Variants in RNF38 observed in about 807,000 individuals in gnomAD.
RNF38 encodes the protein E3 ubiquitin-protein ligase RNF38.
In RNF38, 15 loss-of-function variants were observed where a neutral mutation model predicts 67.2. That is an observed-to-expected ratio of 0.22 (90% CI 0.15 to 0.34). RNF38 has a LOEUF of 0.34. Among genes scored for constraint, RNF38 ranks in the 10% least tolerant of loss-of-function variants. RNF38 has a pLI of 1.00. For missense variants in RNF38, 524 were observed against 639.9 expected, an observed-to-expected ratio of 0.82 and a Z score of 1.95; for synonymous variants, 220 against 218.8, an observed-to-expected ratio of 1.01 and a Z score of -0.05.
intron 1 of RNF38, among the ~76,000 whole-genome samples, chr9:36,466,558 T>C (rs952789005): frequency 1.3e-5 from 2 of 152,174 alleles, no homozygotes; most frequent in Non-Finnish European, 2.9e-5. Context: ...TTACAAGATA[T>C]GAATGTTTCT....
intron 1 of RNF38, among the ~76,000 whole-genome samples, chr9:36,457,190 T>G (rs1839614256): frequency 6.6e-6 from 1 of 152,250 alleles, no homozygotes; most frequent in Non-Finnish European, 1.5e-5. Context: ...ACTAGCTTTA[T>G]CACAGGTACC....
At chr9:36,379,283 C>T (rs962195825) in intron 2 of RNF38, among the ~76,000 whole-genome samples, 2 of 152,164 alleles carry the variant, frequency 1.3e-5, no homozygotes, top group African/African-American at 2.4e-5. Context: ...TTGCTACATG[C>T]AATATGATTT....
chr9:36,487,152 C>T (rs1453073751), intron 1 of RNF38, among the ~76,000 whole-genome samples: 1 of 152,144 alleles, frequency 6.6e-6, no homozygotes, highest in Non-Finnish European at 1.5e-5. Context: ...GCGGCTGAGG[C>T]GCAGGGCTCG....
chr9:36,398,806 A>G (rs1837750006), intron 1 of RNF38, among the ~76,000 whole-genome samples: 1 of 152,190 alleles, frequency 6.6e-6, no homozygotes, highest in Admixed American at 6.5e-5. Context: ...CCTAAACCAA[A>G]CTAGAGGTAG....
chr9:36,391,738 A>C (rs922805320), intron 1 of RNF38, among the ~76,000 whole-genome samples: 4 of 150,930 alleles, frequency 2.7e-5, no homozygotes, highest in African/African-American at 9.8e-5. Flanking sequence ...CTCAGCCTGC[A>C]GAGTAGCTGG....
intron 1 of RNF38, among the ~76,000 whole-genome samples, chr9:36,443,969 C>T (rs950887372): frequency 2.0e-5 from 3 of 152,116 alleles, no homozygotes; most frequent in African/African-American, 7.2e-5. Context: ...AGCATGTTCC[C>T]CTCCCAGAAG....
intron 2 of RNF38, among the ~76,000 whole-genome samples, chr9:36,379,488 C>T (rs1343448016): frequency 6.6e-6 from 1 of 152,062 alleles, no homozygotes; most frequent in Non-Finnish European, 1.5e-5. Flanking sequence ...TCCAATCACA[C>T]TATTAATCTA....
chr9:36,449,680 C>T (rs776350910), intron 1 of RNF38, among the ~76,000 whole-genome samples: 8 of 152,106 alleles, frequency 5.3e-5, no homozygotes, highest in Non-Finnish European at 1.0e-4. Context: ...TGTGATCCGC[C>T]CACCTCGGCC....
chr9:36,450,061 ATT>A (rs1170095274), intron 1 of RNF38, among the ~76,000 whole-genome samples: 2 of 152,070 alleles, frequency 1.3e-5, no homozygotes, highest in Non-Finnish European at 2.9e-5. Context: ...TTTCTTTTGT[ATT>A]TTTTATTGTG....
chr9:36,397,840 AAAG>A (rs1202862894), intron 1 of RNF38, among the ~76,000 whole-genome samples: 2 of 152,206 alleles, frequency 1.3e-5, no homozygotes, highest in African/African-American at 4.8e-5. Flanking sequence ...TTCTCCCCTC[AAAG>A]AAGTATGTCT....
At chr9:36,480,837 G>A (rs1269609725) in intron 1 of RNF38, among the ~76,000 whole-genome samples, 8 of 150,458 alleles carry the variant, frequency 5.3e-5, no homozygotes, top group South Asian at 4.2e-4. Flanking sequence ...GGGGTGAGCC[G>A]CCACGCCCGG....
rs1839584251 is a variant in RNF38, at chr9:36,455,930, G to C, written n.242-31247C>G. The stretch of plus-strand genomic sequence containing the variant: ...CACCTCAAAAAAAAAAAAAAAAAGT[G>C]CACTAATTTAACTTAATTCATTTTT... On this transcript the variant is annotated intron_variant and non_coding_transcript_variant, in intron 1 of 3. Coordinates refer to the RNF38 transcript ENST00000488058. Among the ~76,000 whole-genome samples the C allele has an allele frequency of 3.3e-5, 5 of 150,142 alleles. No individual in the cohort carries two copies. The Admixed American group carries it at 3.3e-4, about 10-fold the overall frequency.
intron 3 of RNF38, among the ~76,000 whole-genome samples, chr9:36,373,865 AT>A (rs1835581301): frequency 6.6e-6 from 1 of 150,564 alleles, no homozygotes; most frequent in African/African-American, 2.5e-5. Context: ...CTAATTTTGT[AT>A]TTTTGGTAGA....
In RNF38 at chr9:36,337,395, T is replaced by C. The variant is rs919758051; in HGVS notation, c.*2357A>G. On this transcript the variant is annotated 3_prime_UTR_variant, in exon 12 of 12. Transcript: ENST00000259605. ...ACCCTGCTGCCTCCTAAATTGCCAA[T>C]TGCCTCTCAAAAACTTACAGAAAAA... 1 of 152,840 alleles carries C rather than the reference T, an allele frequency of 6.5e-6. No homozygotes were observed. Among genetic ancestry groups the C allele is most frequent in the African/African-American group, 2.4e-5 (1 of 41,428 alleles). The allele number at this position is 152,840 out of a possible 1,614,324, so 9.5% of individuals were successfully genotyped here.
intron 2 of RNF38, among the ~76,000 whole-genome samples, chr9:36,378,748 A>G (rs1156362160): frequency 6.6e-6 from 1 of 152,204 alleles, no homozygotes; most frequent in Non-Finnish European, 1.5e-5. Context: ...TTACTTTACA[A>G]GACATGCAAA....
In RNF38 at chr9:36,449,580, C is replaced by T. The variant is rs1218490546; in HGVS notation, n.242-24897G>A. Among the ~76,000 whole-genome samples, 4 of 152,256 alleles carry T rather than the reference C, an allele frequency of 2.6e-5. No homozygotes were observed. The South Asian group carries it at 6.2e-4, about 24-fold the overall frequency. Reference sequence around the variant, plus strand: ...CCTCCCAAGTAGATAGGACTACAGGCGCGTGCCAACACGCCCGGCTAATTT... The same window carrying T: ...CCTCCCAAGTAGATAGGACTACAGGTGCGTGCCAACACGCCCGGCTAATTT... On this transcript the variant is annotated intron_variant and non_coding_transcript_variant, in intron 1 of 3. Coordinates refer to the RNF38 transcript ENST00000488058.
intron 4 of RNF38, among the ~76,000 whole-genome samples, chr9:36,368,466 C>T (rs1349601412): frequency 1.3e-5 from 2 of 152,162 alleles, no homozygotes; most frequent in African/African-American, 4.8e-5. Flanking sequence ...GTCCTATATA[C>T]ATACACTCAT....
chr9:36,428,562 G>A (rs1032568101), intron 1 of RNF38, among the ~76,000 whole-genome samples: 4 of 151,742 alleles, frequency 2.6e-5, no homozygotes, highest in Non-Finnish European at 4.4e-5. Context: ...TATGATCTCC[G>A]TAACATACAT....
intron 1 of RNF38, among the ~76,000 whole-genome samples, chr9:36,394,559 A>G (rs1837384113): frequency 6.6e-6 from 1 of 152,242 alleles, no homozygotes; most frequent in Admixed American, 6.5e-5. Flanking sequence ...TAAGCAGTAT[A>G]GCAGGTTTTA....
Sources: allele counts gnomAD v4.1 joint callset (sites outside exome capture counted in the v4.1 genomes callset), GRCh38; gene constraint gnomAD v4.1.1; transcripts MANE v1.5; gene names NCBI Gene and HGNC (gene_info 2026-07-23, HGNC 2026-07-21).